FABP1: variants seen among roughly 807,000 people sequenced by gnomAD.
The protein encoded by FABP1 is fatty acid-binding protein, liver.
A neutral mutation model predicts 13.7 loss-of-function variants in FABP1; 13 were observed. The observed-to-expected ratio is 0.95, with a 90% CI of 0.62 to 1.51. FABP1 has a LOEUF of 1.51. FABP1 is among the 40% of genes most tolerant of loss of function. The pLI is 0.00. For missense variants in FABP1, 140 were observed against 155.7 expected (o/e 0.90, Z 0.54); for synonymous variants, 48 against 59.8 (o/e 0.80, Z 0.91).
chr2:88,123,400 A>G (rs560430666), intron 3 of FABP1: 1 of 391,736 alleles, frequency 2.6e-6, no homozygotes, highest in East Asian at 4.8e-5. Context: ...AAACCAGCCC[A>G]ATCTAATTTC....
chr2:88,127,902 G>C, intron 1 of FABP1, 49 bp downstream of exon 1: 1 of 1,580,752 alleles, frequency 6.3e-7, no homozygotes, highest in Non-Finnish European at 8.7e-7. Context: ...GGTAGAGCTA[G>C]ACCCTCACTG....
intron 3 of FABP1, chr2:88,124,282 C>T (rs969964381): frequency 5.7e-5 from 28 of 488,656 alleles, no homozygotes; most frequent in Non-Finnish European, 7.5e-5. Flanking sequence ...TGGTTGGTTG[C>T]GCTGAGCAGA....
chr2:88,122,985 T>G lies in FABP1; in HGVS notation c.*69A>C. ...ATGAAAAGGCATTGAGAAGACATTT[T>G]TTTTTAAAACAAAGTTCACTTTATT... On this transcript the variant is annotated 3_prime_UTR_variant, in exon 4 of 4. Coordinates refer to ENST00000295834, the MANE Select transcript of FABP1 (RefSeq NM_001443.3). 1 of 1,330,734 alleles carries G rather than the reference T, an allele frequency of 7.5e-7. No homozygotes were observed. The highest frequency in any genetic ancestry group is 1.1e-6 in the Non-Finnish European group (1 of 946,168). The allele number at this position is 1,330,734 out of a possible 1,614,324, so 82.4% of individuals were successfully genotyped here.
chr2:88,125,761 C>G (rs1675284968), intron 2 of FABP1, among the ~76,000 whole-genome samples: 1 of 152,206 alleles, frequency 6.6e-6, no homozygotes, highest in South Asian at 2.1e-4. Flanking sequence ...TCACCACCAG[C>G]TCTAGGTTCA....
At chr2:88,127,755 C>T (rs1423346371) in intron 1 of FABP1, among the ~76,000 whole-genome samples, 196 bp downstream of exon 1, 1 of 152,222 alleles carries the variant, frequency 6.6e-6, no homozygotes, top group Non-Finnish European at 1.5e-5. Flanking sequence ...GCTCTTTCCA[C>T]TTGCCTATGG....
intron 1 of FABP1, chr2:88,126,866 A>G (rs1675308097): frequency 6.5e-6 from 1 of 154,256 alleles, no homozygotes; most frequent in Admixed American, 6.3e-5. Flanking sequence ...ACATACCAGC[A>G]ATCCCTTGCC....
intron 3 of FABP1, 72 bp downstream of exon 3, chr2:88,124,422 C>A (rs539768114): frequency 7.6e-6 from 9 of 1,182,930 alleles, no homozygotes; most frequent in Non-Finnish European, 1.1e-5. Context: ...GTATGTGAGC[C>A]GCTCCCCATG....
Position 88,126,202 on chromosome 2 carries a change from C to A in FABP1, c.214G>T (p.Glu72Ter). The A allele has an allele frequency of 6.2e-7, 1 of 1,611,294 alleles. No individual in the cohort carries two copies. The highest frequency in any genetic ancestry group is 8.5e-7 in the Non-Finnish European group (1 of 1,177,830). Reference protein sequence around the residue: ...EFTVGEECELETMTGEKVKTV... With the variant: ...EFTVGEECEL ...TTGACTTTCTCCCCTGTCATTGTCT[C>A]CAGCTCACATTCCTCCCCCACCGTG... Residue 72 changes from glutamate to a stop codon, truncating the protein, a stop_gained, in exon 2 of 4, where the codon GAG becomes TAG. Coordinates refer to ENST00000295834, the MANE Select transcript of FABP1 (RefSeq NM_001443.3). LOFTEE classifies it high-confidence loss of function.
At chr2:88,123,710 A>C (rs1675244741) in intron 3 of FABP1, 1 of 152,426 alleles carries the variant, frequency 6.6e-6, no homozygotes, top group Admixed American at 6.5e-5. Flanking sequence ...GATGGGTTTG[A>C]GCCCTGGATT....
chr2:88,124,846 C>T (rs1309861669), intron 2 of FABP1, among the ~76,000 whole-genome samples: 1 of 152,204 alleles, frequency 6.6e-6, no homozygotes, highest in East Asian at 1.9e-4. Context: ...CCTAAGTGGC[C>T]CCAAATACAA....
At position 88,126,219 on chromosome 2, in the gene FABP1, C is replaced by T. The variant is rs1675293550; in HGVS notation, c.197G>A (p.Gly66Glu). 3 of 1,612,314 alleles carry T rather than the reference C, an allele frequency of 1.9e-6. No homozygotes were observed. Among genetic ancestry groups the T allele is most frequent in the Non-Finnish European group, 2.5e-6 (3 of 1,178,692 alleles). Residue 66 changes from glycine to glutamate, a missense_variant, in exon 2 of 4, where the codon GGG (glycine) becomes GAG (glutamate). Physicochemically the swap from Gly to Glu is moderately conservative, Grantham distance 98 (BLOSUM62 -2). Transcript: ENST00000295834. ...SKVIQNEFTV[G>E]EECELETMTG... ...CATTGTCTCCAGCTCACATTCCTCCCCCACCGTGAATTCGTTTTGGATCAC... is the reference window on the plus strand; with the variant it reads ...CATTGTCTCCAGCTCACATTCCTCCTCCACCGTGAATTCGTTTTGGATCAC...
rs372518522 is a variant in FABP1, at chr2:88,126,360, C to T, written c.68-12G>A. On this transcript the variant is annotated splice_polypyrimidine_tract_variant and intron_variant, in intron 1 of 3. Coordinates refer to ENST00000295834, the MANE Select transcript of FABP1 (RefSeq NM_001443.3). ...CTCTTCCGGCAGACCTGGTGGAAAC[C>T]GTCTGAGGTTTAGATATGGGCAGAG... 88 of 1,610,770 alleles carry T rather than the reference C, an allele frequency of 5.5e-5. 1 individual carries two copies. Among genetic ancestry groups the T allele is most frequent in the Non-Finnish European group, 5.5e-5 (65 of 1,177,372 alleles).
At chr2:88,126,594 C>T in intron 1 of FABP1, 1 of 410,394 alleles carries the variant, frequency 2.4e-6, no homozygotes, top group East Asian at 3.7e-5. Flanking sequence ...ACTCTTCTGG[C>T]CTGAAGAACC....
rs1675234642 is a variant in FABP1 at position 88,123,158 on chromosome 2, A to C, written c.334-54T>G. The C allele has an allele frequency of 2.0e-6, 3 of 1,478,768 alleles. No homozygotes were observed. The Admixed American group carries it at 6.3e-5, about 31-fold the overall frequency. The allele number at this position is 1,478,768 out of a possible 1,614,324, so 91.6% of individuals were successfully genotyped here. On this transcript the variant is annotated intron_variant, in intron 3 of 3. Coordinates refer to ENST00000295834, the MANE Select transcript of FABP1 (RefSeq NM_001443.3). Reference sequence around the variant, plus strand: ...GTTCATCTGATGTTGTATTGTAAAAAACAAAATTAAGCATAAAAAACAAAA... The same window carrying C: ...GTTCATCTGATGTTGTATTGTAAAACACAAAATTAAGCATAAAAAACAAAA...
intron 2 of FABP1, chr2:88,125,873 TG>T: frequency 3.9e-6 from 1 of 257,370 alleles, no homozygotes; most frequent in South Asian, 1.3e-4. Flanking sequence ...CTAGGAGCAC[TG>T]GGCCTGGGAG....
rs771759721 is a variant in FABP1, at chr2:88,126,332, G to A, written c.84C>T (p.Leu28=). The A allele has an allele frequency of 2.5e-6, 4 of 1,613,800 alleles. No homozygotes were observed. The highest frequency in any genetic ancestry group is 1.1e-5 in the South Asian group (1 of 91,046). ...CCTTGATATCCTTCCCCTTCTGGAT[G>A]AGCTCTTCCGGCAGACCTGGTGGAA... ...FMKAIGLPEE[L]IQKGKDIKGV... Residue 28 remains leucine, a synonymous_variant, in exon 2 of 4, where the codon CTC becomes CTT. Coordinates refer to ENST00000295834, the MANE Select transcript of FABP1 (RefSeq NM_001443.3).
intron 3 of FABP1, chr2:88,123,425 A>G: frequency 2.8e-6 from 1 of 353,216 alleles, no homozygotes. Flanking sequence ...AATTTCATTG[A>G]GTACCTACTA....
chr2:88,127,896 G>A, intron 1 of FABP1, 55 bp downstream of exon 1: 1 of 1,563,818 alleles, frequency 6.4e-7, no homozygotes, highest in Non-Finnish European at 8.8e-7. Flanking sequence ...ACTGCTGGTA[G>A]AGCTAGACCC....
intron 2 of FABP1, among the ~76,000 whole-genome samples, chr2:88,125,720 G>T (rs1675284033): frequency 6.6e-6 from 1 of 152,226 alleles, no homozygotes; most frequent in South Asian, 2.1e-4. Context: ...TTCTGGTATT[G>T]CTAGCACCTC....
Sources: allele counts gnomAD v4.1 joint callset (sites outside exome capture counted in the v4.1 genomes callset), GRCh38; gene constraint gnomAD v4.1.1; transcripts MANE v1.5; gene names NCBI Gene and HGNC (gene_info 2026-07-23, HGNC 2026-07-21).